SGCZ: variants seen among roughly 807,000 people sequenced by gnomAD.
SGCZ encodes sarcoglycan zeta, also known as zeta-sarcoglycan.
SGCZ carries 40 observed loss-of-function variants against 41.3 expected under a neutral mutation model. That is an observed-to-expected ratio of 0.97 (90% CI 0.75 to 1.26). The LOEUF is 1.26. Among genes scored for constraint, SGCZ ranks in the 50% most tolerant of loss-of-function variants. The pLI is 0.00. For missense variants in SGCZ, 552 were observed against 369.8 expected (o/e 1.49, Z -4.04); for synonymous variants, 206 against 137.5 (o/e 1.50, Z -3.49).
At chr8:14,534,560 G>A (rs1364364131) in intron 2 of SGCZ, among the ~76,000 whole-genome samples, 4 of 151,944 alleles carry the variant, frequency 2.6e-5, no homozygotes, top group African/African-American at 9.7e-5. Flanking sequence ...ATAAGAAACA[G>A]TCTTGTTTTT....
Position 15,238,101 on chromosome 8 carries a change from G to C in SGCZ, c.-478C>G, listed in dbSNP as rs1392254073. Reference sequence around the variant, plus strand: ...GGCTTCCTCCGTCAGGCTTACTCTGGTAGGTAATTTAGCTCCAGTCCCAGG... The same window carrying C: ...GGCTTCCTCCGTCAGGCTTACTCTGCTAGGTAATTTAGCTCCAGTCCCAGG... On this transcript the variant is annotated 5_prime_UTR_variant, in exon 1 of 8. Transcript: ENST00000382080. The C allele has an allele frequency of 6.5e-6, 1 of 153,596 alleles. No homozygotes were observed. Among genetic ancestry groups the C allele is most frequent in the African/African-American group, 2.4e-5 (1 of 41,414 alleles). The allele number at this position is 153,596 out of a possible 1,614,324, so 9.5% of individuals were successfully genotyped here. A position where few individuals can be genotyped will look rare whatever the true frequency, so the allele number is the denominator to read the frequency against.
chr8:14,561,256 T>G (rs1477398054), intron 1 of SGCZ, among the ~76,000 whole-genome samples: 1 of 152,200 alleles, frequency 6.6e-6, no homozygotes, highest in Non-Finnish European at 1.5e-5. Flanking sequence ...ATTGTTTTCT[T>G]TGGCATTATG....
chr8:15,062,772 G>C (rs1264773411), intron 1 of SGCZ, among the ~76,000 whole-genome samples: 1 of 152,120 alleles, frequency 6.6e-6, no homozygotes, highest in African/African-American at 2.4e-5. Context: ...AGATGGATTT[G>C]TTAAACCCTT....
chr8:14,568,879 A>T (rs993355731), intron 1 of SGCZ, among the ~76,000 whole-genome samples: 1 of 151,914 alleles, frequency 6.6e-6, no homozygotes, highest in Non-Finnish European at 1.5e-5. Context: ...ATGTGCAGAA[A>T]GAGTATAATT....
At chr8:14,501,751 G>A (rs550654831) in intron 2 of SGCZ, among the ~76,000 whole-genome samples, 1 of 151,780 alleles carries the variant, frequency 6.6e-6, no homozygotes, top group Admixed American at 6.6e-5. Context: ...TGGTTGTATA[G>A]CAGACTATTC....
At chr8:14,839,973 T>C (rs1398461907) in intron 1 of SGCZ, among the ~76,000 whole-genome samples, 1 of 152,146 alleles carries the variant, frequency 6.6e-6, no homozygotes, top group Non-Finnish European at 1.5e-5. Flanking sequence ...GTAATCAACT[T>C]GTTTTTTACT....
At chr8:15,026,282 A>T (rs1803455109) in intron 1 of SGCZ, among the ~76,000 whole-genome samples, 2 of 152,198 alleles carry the variant, frequency 1.3e-5, no homozygotes, top group African/African-American at 4.8e-5. Flanking sequence ...AGAAATACCT[A>T]GGATGATAGA....
At chr8:14,833,877 G>C (rs911663757) in intron 1 of SGCZ, among the ~76,000 whole-genome samples, 1 of 152,054 alleles carries the variant, frequency 6.6e-6, no homozygotes, top group Non-Finnish European at 1.5e-5. Flanking sequence ...TCCTCTCTAA[G>C]AATATTTATG....
chr8:14,450,108 A>T (rs1374435661), intron 2 of SGCZ, among the ~76,000 whole-genome samples: 1 of 152,144 alleles, frequency 6.6e-6, no homozygotes, highest in Non-Finnish European at 1.5e-5. Flanking sequence ...AGAAAACAAA[A>T]ATCTGCCAAT....
intron 2 of SGCZ, among the ~76,000 whole-genome samples, chr8:14,464,192 G>A (rs1800982004): frequency 6.6e-6 from 1 of 151,570 alleles, no homozygotes. Flanking sequence ...AAGAATTGAT[G>A]TTAGTTATTC....
At chr8:14,963,029 G>T (rs565527049) in intron 1 of SGCZ, among the ~76,000 whole-genome samples, 1 of 152,260 alleles carries the variant, frequency 6.6e-6, no homozygotes, top group East Asian at 1.9e-4. Context: ...AAAGTTTCTG[G>T]ACTGAAAGTT....
chr8:14,539,367 A>G (rs998662560), intron 2 of SGCZ, among the ~76,000 whole-genome samples: 8 of 151,904 alleles, frequency 5.3e-5, no homozygotes, highest in Non-Finnish European at 1.2e-4. Context: ...GAACTATAGA[A>G]GAGACCATGT....
At chr8:14,861,822 A>C (rs1277631528) in intron 1 of SGCZ, among the ~76,000 whole-genome samples, 1 of 152,044 alleles carries the variant, frequency 6.6e-6, no homozygotes, top group Non-Finnish European at 1.5e-5. Context: ...TCAAACTGTC[A>C]GTTCTTCTTT....
intron 1 of SGCZ, among the ~76,000 whole-genome samples, chr8:15,156,944 CAAA>C (rs1204736250): frequency 4.4e-5 from 4 of 89,888 alleles, no homozygotes; most frequent in Non-Finnish European, 4.5e-5. Context: ...AACTCTGTCT[CAAA>C]AAAAAAAAAA....
At chr8:14,319,009 T>C (rs1047715724) in intron 3 of SGCZ, among the ~76,000 whole-genome samples, 6 of 151,644 alleles carry the variant, frequency 4.0e-5, no homozygotes, top group African/African-American at 4.8e-5. Flanking sequence ...AATGGAATCG[T>C]AGAAAAACTC....
intron 2 of SGCZ, among the ~76,000 whole-genome samples, chr8:14,343,483 C>A (rs538531929): frequency 1.3e-5 from 2 of 152,192 alleles, no homozygotes; most frequent in African/African-American, 4.8e-5. Context: ...AACTTGGACT[C>A]TACGTATGTT....
At chr8:14,528,813 C>T (rs1214346699) in intron 2 of SGCZ, among the ~76,000 whole-genome samples, 3 of 122,890 alleles carry the variant, frequency 2.4e-5, no homozygotes, top group Admixed American at 9.4e-5. Flanking sequence ...AATAACACAA[C>T]ATCACGGACC....
intron 1 of SGCZ, among the ~76,000 whole-genome samples, chr8:15,128,813 A>G (rs1252571631): frequency 1.3e-5 from 2 of 152,174 alleles, no homozygotes; most frequent in Non-Finnish European, 2.9e-5. Flanking sequence ...AATCAGAACA[A>G]AATGCAAAAT....
At chr8:14,578,890 G>A (rs1804797748) in intron 1 of SGCZ, among the ~76,000 whole-genome samples, 1 of 152,064 alleles carries the variant, frequency 6.6e-6, no homozygotes, top group Non-Finnish European at 1.5e-5. Context: ...AATTTTAATT[G>A]TTGAAAATCT....
Sources: allele counts gnomAD v4.1 joint callset (sites outside exome capture counted in the v4.1 genomes callset), GRCh38; gene constraint gnomAD v4.1.1; transcripts MANE v1.5; gene names NCBI Gene and HGNC (gene_info 2026-07-23, HGNC 2026-07-21).